Variants in PP2D1 observed in about 807,000 individuals in gnomAD.
The protein encoded by PP2D1 is protein phosphatase 2C-like domain-containing protein 1.
A neutral mutation model predicts 30.2 loss-of-function variants in PP2D1; 25 were observed. The ratio of observed to expected loss-of-function variants is 0.83; its 90% confidence interval spans 0.60 to 1.16. PP2D1 has a LOEUF of 1.16. Among genes scored for constraint, PP2D1 ranks in the 50% most tolerant of loss-of-function variants. The pLI is 0.00. For missense variants in PP2D1, 760 were observed against 742.4 expected (o/e 1.02, Z -0.28); for synonymous variants, 260 against 258.9 (o/e 1.00, Z -0.04).
chr3:19,991,175 G>A (rs534816210), intron 2 of PP2D1, among the ~76,000 whole-genome samples: 14 of 152,188 alleles, frequency 9.2e-5, no homozygotes, highest in South Asian at 2.1e-4. Flanking sequence ...AAAAAGAGCC[G>A]CTTGGAGATG....
chr3:19,999,081 CTTT>C (rs63201460), intron 2 of PP2D1, among the ~76,000 whole-genome samples: 1 of 135,210 alleles, frequency 7.4e-6, no homozygotes. Context: ...TGTGTCTAGA[CTTT>C]TTTTTTTTTT....
At chr3:19,995,698 A>C (rs1697172220) in intron 2 of PP2D1, among the ~76,000 whole-genome samples, 1 of 152,240 alleles carries the variant, frequency 6.6e-6, no homozygotes, top group Non-Finnish European at 1.5e-5. Context: ...GCAGGCATGG[A>C]TATAAGTTAT....
intron 2 of PP2D1, among the ~76,000 whole-genome samples, chr3:19,997,519 T>G (rs1230197732): frequency 1.3e-5 from 2 of 152,218 alleles, no homozygotes; most frequent in Admixed American, 1.3e-4. Flanking sequence ...CAGATCCCAC[T>G]ACTGAGTATG....
chr3:19,997,976 C>CA (rs2125142566), intron 2 of PP2D1, among the ~76,000 whole-genome samples: 1 of 152,166 alleles, frequency 6.6e-6, no homozygotes, highest in South Asian at 2.1e-4. Context: ...ATGAGCAGAT[C>CA]ACAAGGTCAG....
chr3:19,988,611 C>T (rs138816001), intron 2 of PP2D1, among the ~76,000 whole-genome samples: 1 of 152,278 alleles, frequency 6.6e-6, no homozygotes, highest in Non-Finnish European at 1.5e-5. Flanking sequence ...CTGTGACCCA[C>T]ACCTTATTCG....
intron 2 of PP2D1, among the ~76,000 whole-genome samples, chr3:19,989,480 A>G (rs536180140): frequency 6.6e-6 from 1 of 152,374 alleles, no homozygotes; most frequent in East Asian, 1.9e-4. Context: ...ACATAGTTCT[A>G]AAGGCTATAT....
chr3:20,007,636 C>T (rs1356644819), intron 1 of PP2D1, among the ~76,000 whole-genome samples: 4 of 151,752 alleles, frequency 2.6e-5, no homozygotes, highest in Non-Finnish European at 5.9e-5. Context: ...AGCGTGGTGG[C>T]GTATGCCTGT....
intron 1 of PP2D1, among the ~76,000 whole-genome samples, chr3:20,010,899 A>G (rs1251278792): frequency 3.9e-5 from 6 of 152,180 alleles, no homozygotes; most frequent in Admixed American, 3.3e-4. Flanking sequence ...ATGGATGAGG[A>G]TGCACCCTGC....
chr3:20,010,658 C>G (rs1697373961), intron 1 of PP2D1, among the ~76,000 whole-genome samples: 2 of 151,820 alleles, frequency 1.3e-5, no homozygotes, highest in Admixed American at 1.3e-4. Flanking sequence ...ACAAAATTAG[C>G]CGGGCATGGT....
At chr3:20,003,672 A>G (rs1267759419) in intron 1 of PP2D1, among the ~76,000 whole-genome samples, 4 of 151,968 alleles carry the variant, frequency 2.6e-5, no homozygotes, top group African/African-American at 9.7e-5. Context: ...TGAACCCAGG[A>G]GACAGGAGGC....
downstream of PP2D1, among the ~76,000 whole-genome samples, chr3:19,981,522 G>A (rs1696927206): frequency 6.6e-6 from 1 of 152,068 alleles, no homozygotes; most frequent in Admixed American, 6.5e-5. Flanking sequence ...GCTGAGGCAG[G>A]GGAATTGCTT....
intron 1 of PP2D1, among the ~76,000 whole-genome samples, chr3:20,004,522 T>G (rs1697294815): frequency 6.6e-6 from 1 of 152,026 alleles, no homozygotes; most frequent in South Asian, 2.1e-4. Context: ...CCCAGCAGAA[T>G]AAGAAAAAGA....
chr3:20,003,747 T>C (rs922096145), intron 1 of PP2D1, among the ~76,000 whole-genome samples: 1 of 151,876 alleles, frequency 6.6e-6, no homozygotes, highest in African/African-American at 2.4e-5. Context: ...TGAGACTCCA[T>C]CTCAAAAGAT....
intron 1 of PP2D1, chr3:20,007,784 AAAGAG>A (rs1180761468): frequency 1.4e-5 from 2 of 139,980 alleles, no homozygotes; most frequent in Non-Finnish European, 3.1e-5. Context: ...AAAAAAAAAA[AAAGAG>A]AGAGAGAGAA....
chr3:19,985,684 G>T lies in PP2D1; in HGVS notation c.1589C>A (p.Ser530Tyr). ...GTTTGAATCGGATAAATTTTCTTTG[G>T]AATTTGTAGTTGACACACGTACTTC... Reference protein sequence around the residue: ...VSEVRVSTTNSKENLSDSNYS... With the variant: ...VSEVRVSTTNYKENLSDSNYS... The change falls in exon 3 of 3, where the codon TCC becomes TAC. Residue 530 changes from serine to tyrosine, a missense_variant. Physicochemically the swap from Ser to Tyr is moderately radical, Grantham distance 144. Around this residue, in one of 3 missense-constraint regions of PP2D1, gnomAD observed 369 missense variants for 316.2 expected, o/e 1.17. Coordinates refer to ENST00000389050, the MANE Select transcript of PP2D1 (RefSeq NM_001252657.2). 1 of 1,535,786 alleles carries T rather than the reference G, an allele frequency of 6.5e-7. No individual in the cohort carries two copies. Among genetic ancestry groups the T allele is most frequent in the South Asian group, 1.2e-5 (1 of 84,038 alleles).
Position 20,001,677 on chromosome 3 carries a change from T to G in PP2D1, c.443A>C (p.Lys148Thr). The G allele has an allele frequency of 6.5e-7, 1 of 1,535,826 alleles. No homozygotes were observed. Among genetic ancestry groups the G allele is most frequent in the Non-Finnish European group, 8.7e-7 (1 of 1,146,762 alleles). ...LWKKQIPAYY[K>T]IFDNIDRSVI... ...ACTCCTGTCAATGTTATCAAAAATC[T>G]TATAGTATGCTGGTATTTGTTTTTT... is the stretch of plus-strand genomic sequence containing the variant. Residue 148 changes from lysine to threonine, a missense_variant, in exon 2 of 3, where the codon AAG becomes ACG. By Grantham distance (78) the Lys-to-Thr change is moderately conservative. Coordinates refer to ENST00000389050, the MANE Select transcript of PP2D1 (RefSeq NM_001252657.2).
At chr3:20,005,504 T>A (rs575474940) in intron 1 of PP2D1, among the ~76,000 whole-genome samples, 1 of 152,276 alleles carries the variant, frequency 6.6e-6, no homozygotes, top group South Asian at 2.1e-4. Context: ...TCAACTCAGT[T>A]CATATATAAA....
At chr3:19,990,753 A>ATTT (rs34466477) in intron 2 of PP2D1, among the ~76,000 whole-genome samples, 8 of 140,062 alleles carry the variant, frequency 5.7e-5, no homozygotes, top group Admixed American at 1.5e-4. Flanking sequence ...TTAGAGGAAG[A>ATTT]TTTTTTTTTT....
intron 1 of PP2D1, among the ~76,000 whole-genome samples, chr3:20,002,975 A>G (rs1396898887): frequency 6.6e-6 from 1 of 152,012 alleles, no homozygotes; most frequent in Non-Finnish European, 1.5e-5. Flanking sequence ...GAATTGCTTG[A>G]ACCTGGGAGA....
Sources: allele counts gnomAD v4.1 joint callset (sites outside exome capture counted in the v4.1 genomes callset), GRCh38; gene constraint gnomAD v4.1.1; regional missense constraint gnomAD v4.1.1; transcripts MANE v1.5; gene names NCBI Gene and HGNC (gene_info 2026-07-23, HGNC 2026-07-21).